Variants in RNF128 observed in about 807,000 individuals in gnomAD.
RNF128 encodes E3 ubiquitin-protein ligase RNF128.
A neutral mutation model predicts 26.2 loss-of-function variants in RNF128; 13 were observed. The ratio of observed to expected loss-of-function variants is 0.50; its 90% CI spans 0.32 to 0.79. The LOEUF (loss-of-function observed/expected upper bound fraction) is 0.79, where lower values mean the gene tolerates loss of function less well. Ranked by LOEUF, RNF128 falls within the 30% of genes least tolerant of loss-of-function variation. The pLI is 0.03. For missense variants in RNF128, 315 were observed against 349.7 expected, an observed-to-expected ratio of 0.90 and a Z score of 0.79; for synonymous variants, 149 against 142.5, an observed-to-expected ratio of 1.05 and a Z score of -0.32.
chrX:106,787,054 G>A (rs1213093563), intron 3 of RNF128, among the ~76,000 whole-genome samples: 1 of 110,764 alleles, frequency 9.0e-6, no homozygotes, highest in African/African-American at 3.3e-5. Context: ...TCCTTATGAA[G>A]TTAAAAATAC....
intron 1 of RNF128, among the ~76,000 whole-genome samples, chrX:106,718,810 A>G (rs923227169): frequency 8.9e-6 from 1 of 112,201 alleles, no homozygotes; most frequent in African/African-American, 3.2e-5. Context: ...CTGGTGTGAC[A>G]GAACTTAATT....
chrX:106,729,870 T>G (rs889263121), intron 1 of RNF128, among the ~76,000 whole-genome samples: 6 of 112,432 alleles, frequency 5.3e-5, no homozygotes, highest in Admixed American at 4.7e-4. Context: ...AGAGTAAGCC[T>G]AGGGTTTCCT....
At chrX:106,774,293 C>G (rs1370782511) in intron 2 of RNF128, among the ~76,000 whole-genome samples, 1 of 112,276 alleles carries the variant, frequency 8.9e-6, no homozygotes, top group African/African-American at 3.2e-5. Context: ...TCATCTGCGT[C>G]TATCCTATTC....
rs769602082 is a variant in RNF128, at chrX:106,773,165, G to C, written c.732+5G>C. On this transcript the variant is annotated splice_donor_5th_base_variant and intron_variant, in intron 2 of 6. Transcript: ENST00000255499. ...AGAGCTCAAAGCAGGAAGCAGGTTT[G>C]TAATGGTCCTTTCTTCCACTATTAA... 8.3e-7 allele frequency: 1 copy of C among 1,199,653 alleles called. No homozygotes were observed.
chrX:106,788,398 A>ATATATAG (rs1930714684), intron 4 of RNF128, among the ~76,000 whole-genome samples: 2 of 39,076 alleles, frequency 5.1e-5, no homozygotes, highest in African/African-American at 5.1e-4. Flanking sequence ...AATATATATT[A>ATATATAG]TATATAATAT....
chrX:106,764,131 T>A (rs1024731317), intron 1 of RNF128, among the ~76,000 whole-genome samples: 1 of 107,935 alleles, frequency 9.3e-6, no homozygotes, highest in Non-Finnish European at 1.9e-5. Context: ...CCCGACTAAT[T>A]TTTTTTTGTA....
intron 1 of RNF128, among the ~76,000 whole-genome samples, chrX:106,704,312 A>T (rs1045713868): frequency 2.7e-5 from 3 of 109,276 alleles, no homozygotes; most frequent in African/African-American, 1.0e-4. Context: ...TGGCGCCTGT[A>T]GTCCCAGCTA....
rs978517094 is a variant in RNF128, at chrX:106,796,185, C to T, written c.*472C>T. Reference sequence around the variant, plus strand: ...AAAGCAATGCAAACTTAGGCGAGTACTTCTTGAAATGTCTATTTAAGCTGC... The same window carrying T: ...AAAGCAATGCAAACTTAGGCGAGTATTTCTTGAAATGTCTATTTAAGCTGC... On this transcript the variant is annotated 3_prime_UTR_variant, in exon 7 of 7. Coordinates refer to ENST00000255499, the MANE Select transcript of RNF128 (RefSeq NM_194463.2). The T allele has an allele frequency of 1.8e-5, 2 of 111,906 alleles. No individual in the cohort carries two copies. Among genetic ancestry groups the T allele is most frequent in the African/African-American group, 6.5e-5 (2 of 30,777 alleles). The allele number at this position is 111,906 out of a possible 1,213,427, so 9.2% of individuals were successfully genotyped here.
At chrX:106,747,370 G>A (rs189207585) in intron 1 of RNF128, among the ~76,000 whole-genome samples, 299 of 111,662 alleles carry the variant, frequency 2.7e-3, no homozygotes, top group African/African-American at 9.2e-3. Flanking sequence ...GATACTTTTA[G>A]CAAATTAAGG....
At chrX:106,779,883 A>C (rs1332853960) in intron 2 of RNF128, among the ~76,000 whole-genome samples, 1 of 111,820 alleles carries the variant, frequency 8.9e-6, no homozygotes, top group Admixed American at 9.6e-5. Context: ...GTTCTCAGAT[A>C]CCTAAACAGC....
At chrX:106,740,375 C>T (rs955710150) in intron 1 of RNF128, among the ~76,000 whole-genome samples, 1 of 111,254 alleles carries the variant, frequency 9.0e-6, no homozygotes, top group Non-Finnish European at 1.9e-5. Context: ...ACCTTTCATG[C>T]ATTGTTTTAC....
chrX:106,730,005 C>A (rs1476750666), intron 1 of RNF128, among the ~76,000 whole-genome samples: 1 of 111,627 alleles, frequency 9.0e-6, no homozygotes, highest in Admixed American at 9.5e-5. Context: ...TGTGGAAAAG[C>A]CTTCTGTATC....
At chrX:106,740,087 G>A (rs1244593946) in intron 1 of RNF128, among the ~76,000 whole-genome samples, 1 of 111,849 alleles carries the variant, frequency 8.9e-6, no homozygotes, top group African/African-American at 3.3e-5. Flanking sequence ...TTCAATAAAA[G>A]TTTGAATGCC....
exon 1 of RNF128, chrX:106,693,881 C>CAACTG (rs902608526): frequency 5.0e-5 from 27 of 537,022 alleles, no homozygotes; most frequent in Middle Eastern, 1.1e-3. Context: ...GAGGTGAGAT[C>CAACTG]AGTTACCTAC....
chrX:106,719,090 A>G (rs1929267383), intron 1 of RNF128, among the ~76,000 whole-genome samples: 1 of 112,361 alleles, frequency 8.9e-6, no homozygotes, highest in Non-Finnish European at 1.9e-5. Context: ...TTGTGATTAC[A>G]TACTACAGTA....
intron 1 of RNF128, among the ~76,000 whole-genome samples, chrX:106,759,795 G>T (rs1174624223): frequency 3.6e-5 from 4 of 111,621 alleles, no homozygotes; most frequent in Non-Finnish European, 5.7e-5. Context: ...GGGTAGAGGT[G>T]GGTAGAAAGA....
chrX:106,746,288 A>G (rs1929794510), intron 1 of RNF128, among the ~76,000 whole-genome samples: 1 of 110,875 alleles, frequency 9.0e-6, no homozygotes, highest in Non-Finnish European at 1.9e-5. Context: ...TTCACCTTGT[A>G]TTTTGTATTT....
At chrX:106,714,488 C>T (rs918323985) in intron 1 of RNF128, among the ~76,000 whole-genome samples, 1 of 111,457 alleles carries the variant, frequency 9.0e-6, no homozygotes, top group South Asian at 3.8e-4. Context: ...AGTATCACCT[C>T]GTATAACGAT....
Position 106,791,249 on chromosome X carries a change from A to C in RNF128, c.1153+15A>C. 1 of 1,199,206 alleles carries C rather than the reference A, an allele frequency of 8.3e-7. No homozygotes were observed. The highest frequency in any genetic ancestry group is 2.2e-5 in the Admixed American group (1 of 45,427). On this transcript the variant is annotated intron_variant, in intron 6 of 6. Coordinates refer to ENST00000255499, the MANE Select transcript of RNF128 (RefSeq NM_194463.2). The stretch of plus-strand genomic sequence containing the variant: ...GCAGTCAACAAGTAAGCATCATACT[A>C]AAGGTTAACGAGTGCCCTGCAATCC...
Sources: allele counts gnomAD v4.1 joint callset (sites outside exome capture counted in the v4.1 genomes callset), GRCh38; gene constraint gnomAD v4.1.1; transcripts MANE v1.5; gene names NCBI Gene and HGNC (gene_info 2026-07-23, HGNC 2026-07-21).